CSTPP1: variants seen among roughly 807,000 people sequenced by gnomAD.
CSTPP1 encodes the protein UPF0705 protein C11orf49.
At chr11:47,000,136 G>T in the CSTPP1 span, among the ~76,000 whole-genome samples, 3 of 152,110 alleles carry the variant, frequency 2.0e-5, no homozygotes, top group East Asian at 3.8e-4. Flanking sequence ...ATATTTAGAG[G>T]TGCTACTCTA....
the CSTPP1 span, among the ~76,000 whole-genome samples, chr11:47,047,419 A>G: frequency 5.1e-5 from 1 of 19,718 alleles, no homozygotes; most frequent in African/African-American, 2.1e-4. Context: ...TAGATTAGGA[A>G]GCCCAGAAAT....
At chr11:47,029,615 CAAA>C in the CSTPP1 span, among the ~76,000 whole-genome samples, 1 of 129,658 alleles carries the variant, frequency 7.7e-6, no homozygotes, top group Non-Finnish European at 1.7e-5. Flanking sequence ...GACTCTATCT[CAAA>C]AAAAAAAAAA....
At chr11:47,122,091 A>AAAAAAAAAAAAAAAATAT in the CSTPP1 span, among the ~76,000 whole-genome samples, 1 of 31,836 alleles carries the variant, frequency 3.1e-5, no homozygotes, top group Non-Finnish European at 6.4e-5. Context: ...AAAAAAAAAA[A>AAAAAAAAAAAAAAAATAT]ATATATATAT....
At chr11:46,961,375 T>C in the CSTPP1 span, among the ~76,000 whole-genome samples, 6 of 152,342 alleles carry the variant, frequency 3.9e-5, no homozygotes, top group South Asian at 8.3e-4. Flanking sequence ...CTTGGAGAAA[T>C]GTCTACTCAA....
the CSTPP1 span, among the ~76,000 whole-genome samples, chr11:47,035,627 T>C: frequency 6.6e-6 from 1 of 152,220 alleles, no homozygotes; most frequent in Non-Finnish European, 1.5e-5. Context: ...TTCTCTCCAC[T>C]ATGAATGGCA....
At chr11:47,105,516 T>G in the CSTPP1 span, among the ~76,000 whole-genome samples, 6 of 152,224 alleles carry the variant, frequency 3.9e-5, no homozygotes, top group Admixed American at 2.6e-4. Flanking sequence ...AAAAAATTTT[T>G]TTTTAATTAA....
At chr11:46,955,592 T>C in the CSTPP1 span, among the ~76,000 whole-genome samples, 98 of 150,082 alleles carry the variant, frequency 6.5e-4, no homozygotes, top group African/African-American at 2.3e-3. Flanking sequence ...TTTGAACTCC[T>C]GACCTTGTGA....
chr11:46,945,864 T>C, the CSTPP1 span, among the ~76,000 whole-genome samples: 10 of 152,066 alleles, frequency 6.6e-5, no homozygotes, highest in Non-Finnish European at 7.4e-5. Context: ...GTAAAGAGTA[T>C]GTGACCTATA....
the CSTPP1 span, among the ~76,000 whole-genome samples, chr11:47,060,665 G>T: frequency 6.6e-6 from 1 of 152,232 alleles, no homozygotes; most frequent in South Asian, 2.1e-4. Context: ...TGGGTTGGGG[G>T]TGAGGGATAA....
At chr11:47,011,015 T>A in the CSTPP1 span, among the ~76,000 whole-genome samples, 1 of 152,110 alleles carries the variant, frequency 6.6e-6, no homozygotes, top group African/African-American at 2.4e-5. Context: ...CTGATGAAAT[T>A]CCCCCCAAAC....
At chr11:47,098,566 C>G in the CSTPP1 span, among the ~76,000 whole-genome samples, 1 of 147,966 alleles carries the variant, frequency 6.8e-6, no homozygotes, top group Non-Finnish European at 1.5e-5. Context: ...AGTGCAGTGG[C>G]GGGATCTCGG....
the CSTPP1 span, among the ~76,000 whole-genome samples, chr11:47,065,117 G>A: frequency 0.015 from 2,288 of 151,876 alleles, 59 homozygotes; most frequent in African/African-American, 0.053. Flanking sequence ...GGGTATTCTT[G>A]GTCCTTTTAA....
the CSTPP1 span, among the ~76,000 whole-genome samples, chr11:46,992,231 T>A: frequency 5.9e-5 from 9 of 152,066 alleles, no homozygotes; most frequent in African/African-American, 1.7e-4. Flanking sequence ...TTTTTATTTT[T>A]TTTATTTATT....
the CSTPP1 span, among the ~76,000 whole-genome samples, chr11:47,068,102 G>T: frequency 2.0e-5 from 3 of 151,942 alleles, no homozygotes; most frequent in East Asian, 5.8e-4. Context: ...TGATACAACT[G>T]CTTATATCCC....
At chr11:47,133,187 A>C in the CSTPP1 span, among the ~76,000 whole-genome samples, 1 of 152,204 alleles carries the variant, frequency 6.6e-6, no homozygotes, top group African/African-American at 2.4e-5. Context: ...CCTCTGGAGA[A>C]GATAGGATCA....
At chr11:46,961,711 C>T in the CSTPP1 span, among the ~76,000 whole-genome samples, 2 of 152,162 alleles carry the variant, frequency 1.3e-5, no homozygotes, top group African/African-American at 4.8e-5. Context: ...TTAGCTTTTA[C>T]ATTTAGGTTT....
the CSTPP1 span, chr11:46,987,119 C>T: frequency 8.0e-7 from 1 of 1,256,162 alleles, no homozygotes. Context: ...ACCTGGATTG[C>T]CTTACACATG....
chr11:47,162,114 C>CAGT, the CSTPP1 span: 1 of 986,552 alleles, frequency 1.0e-6, no homozygotes, highest in African/African-American at 1.7e-5. Context: ...GGAGAACAGC[C>CAGT]AGTAGCCTTG....
chr11:47,068,665 G>A, the CSTPP1 span, among the ~76,000 whole-genome samples: 10 of 152,008 alleles, frequency 6.6e-5, no homozygotes, highest in Middle Eastern at 3.4e-3. Flanking sequence ...TCCAGTCACC[G>A]TACAAATATG....
Sources: allele counts gnomAD v4.1 joint callset (sites outside exome capture counted in the v4.1 genomes callset), GRCh38; gene constraint gnomAD v4.1.1; transcripts MANE v1.5; gene names NCBI Gene and HGNC (gene_info 2026-07-23, HGNC 2026-07-21).